The following INPP4B variants were observed in gnomAD, a reference collection of about 807,000 sequenced individuals.
INPP4B encodes the protein inositol polyphosphate-4-phosphatase type II B, also known as inositol polyphosphate 4-phosphatase type II.
INPP4B carries 55 observed loss-of-function variants against 122.5 expected under a neutral mutation model. The ratio of observed to expected loss-of-function variants is 0.45; its 90% CI spans 0.36 to 0.56. INPP4B has a LOEUF of 0.56. INPP4B is among the 20% of genes least tolerant of loss of function. INPP4B has a pLI of 0.00. For missense variants in INPP4B, 1,000 were observed against 1,097.7 expected, an observed-to-expected ratio of 0.91 and a Z score of 1.26; for synonymous variants, 403 against 388.7, an observed-to-expected ratio of 1.04 and a Z score of -0.43.
chr4:142,636,130 A>G (rs2197215), intron 2 of INPP4B, among the ~76,000 whole-genome samples: 129,975 of 151,962 alleles, frequency 0.86, 55,640 homozygotes, highest in African/African-American at 0.89. Context: ...CCTTTCACTC[A>G]GCACCCATTC....
chr4:142,414,489 G>A (rs943521039), intron 5 of INPP4B, among the ~76,000 whole-genome samples: 1 of 152,260 alleles, frequency 6.6e-6, no homozygotes. Context: ...GATTGTCTGT[G>A]CTGGGAAAAA....
chr4:142,432,168 T>C (rs1335478090), intron 3 of INPP4B, among the ~76,000 whole-genome samples: 11 of 152,142 alleles, frequency 7.2e-5, no homozygotes, highest in African/African-American at 2.4e-5. Context: ...GAATAAATTT[T>C]TTAAAAAATC....
intron 17 of INPP4B, among the ~76,000 whole-genome samples, chr4:142,158,916 T>G (rs974083636): frequency 6.6e-6 from 1 of 152,048 alleles, no homozygotes; most frequent in African/African-American, 2.4e-5. Context: ...CAACACTGGA[T>G]GTTTATTAAA....
At chr4:142,388,724 A>T (rs189169964) in intron 7 of INPP4B, among the ~76,000 whole-genome samples, 111 of 152,274 alleles carry the variant, frequency 7.3e-4, no homozygotes, top group Non-Finnish European at 1.4e-3. Flanking sequence ...ACTTTTAGGG[A>T]TGGGCTAATT....
chr4:142,438,861 A>C (rs944368380), intron 3 of INPP4B, among the ~76,000 whole-genome samples: 40 of 152,234 alleles, frequency 2.6e-4, no homozygotes, highest in Non-Finnish European at 1.5e-5. Flanking sequence ...ACAAGAAATA[A>C]ACAAAGAACC....
chr4:142,662,678 G>A (rs954399138), intron 2 of INPP4B, among the ~76,000 whole-genome samples: 1 of 152,168 alleles, frequency 6.6e-6, no homozygotes, highest in African/African-American at 2.4e-5. Flanking sequence ...GGTGGAAAGA[G>A]CCTGGGTTCC....
intron 1 of INPP4B, among the ~76,000 whole-genome samples, chr4:142,808,878 C>T (rs1252000236): frequency 6.6e-6 from 1 of 152,088 alleles, no homozygotes; most frequent in Non-Finnish European, 1.5e-5. Flanking sequence ...AGTGCCTAAA[C>T]AGCTAATATT....
At chr4:142,430,460 A>G (rs1809065491) in intron 4 of INPP4B, among the ~76,000 whole-genome samples, 1 of 152,152 alleles carries the variant, frequency 6.6e-6, no homozygotes, top group Admixed American at 6.6e-5. Context: ...AAGGTTAGGC[A>G]TATATTTGCC....
At chr4:142,281,845 A>G (rs2150792394) in intron 9 of INPP4B, among the ~76,000 whole-genome samples, 1 of 152,118 alleles carries the variant, frequency 6.6e-6, no homozygotes, top group East Asian at 1.9e-4. Context: ...AATTTTTTAA[A>G]TTCTCATTTA....
chr4:142,459,989 C>T (rs1312361284), intron 3 of INPP4B, among the ~76,000 whole-genome samples: 2 of 152,164 alleles, frequency 1.3e-5, no homozygotes, highest in Non-Finnish European at 2.9e-5. Flanking sequence ...AGCACTTTCT[C>T]AGTGTTTTGT....
intron 2 of INPP4B, among the ~76,000 whole-genome samples, chr4:142,627,808 AAT>A (rs1243893162): frequency 6.6e-6 from 1 of 152,070 alleles, no homozygotes; most frequent in Non-Finnish European, 1.5e-5. Flanking sequence ...TATTGATTGG[AAT>A]AGTTTCAGAA....
intron 2 of INPP4B, among the ~76,000 whole-genome samples, chr4:142,476,794 A>G (rs994772461): frequency 3.3e-5 from 5 of 152,226 alleles, no homozygotes; most frequent in Admixed American, 2.0e-4. Flanking sequence ...AGGAGCACCC[A>G]GATTCATGAA....
intron 12 of INPP4B, among the ~76,000 whole-genome samples, chr4:142,213,931 C>T (rs1314469223): frequency 6.6e-6 from 1 of 152,088 alleles, no homozygotes; most frequent in African/African-American, 2.4e-5. Context: ...AAAGAACCAT[C>T]GGTGCAGTAG....
chr4:142,584,075 C>A (rs1013453836), intron 2 of INPP4B, among the ~76,000 whole-genome samples: 1 of 151,844 alleles, frequency 6.6e-6, no homozygotes, highest in Admixed American at 6.6e-5. Flanking sequence ...TTCTATATGC[C>A]CTGTACTCTC....
intron 5 of INPP4B, among the ~76,000 whole-genome samples, chr4:142,424,401 A>G (rs770437842): frequency 1.3e-5 from 2 of 152,010 alleles, no homozygotes; most frequent in African/African-American, 4.8e-5. Flanking sequence ...TGATTATGAA[A>G]TTTACATGTG....
intron 2 of INPP4B, among the ~76,000 whole-genome samples, chr4:142,664,772 A>C (rs1755732584): frequency 6.6e-6 from 1 of 152,228 alleles, no homozygotes; most frequent in Non-Finnish European, 1.5e-5. Context: ...CAAGATGTCT[A>C]AAGTAAGAAA....
chr4:142,571,255 C>T (rs1211144332), intron 2 of INPP4B, among the ~76,000 whole-genome samples: 1 of 152,002 alleles, frequency 6.6e-6, no homozygotes, highest in African/African-American at 2.4e-5. Flanking sequence ...CACACCTTGA[C>T]TTACAACCCC....
rs1488138564 is a variant in INPP4B, at chr4:142,024,924, T to G, written c.*3858A>C. 1 of 152,100 alleles carries G rather than the reference T, an allele frequency of 6.6e-6. No individual in the cohort carries two copies. Among genetic ancestry groups the G allele is most frequent in the Non-Finnish European group, 1.5e-5 (1 of 68,010 alleles). The allele number at this position is 152,100 out of a possible 1,614,324, so 9.4% of individuals were successfully genotyped here. On this transcript the variant is annotated 3_prime_UTR_variant, in exon 26 of 26. Coordinates refer to ENST00000262992, the MANE Select transcript of INPP4B (RefSeq NM_001101669.3). ...TTTAATAATTTAATTATGAATAAAATATAGTCATCAAATATGACTTTTAAC... is the reference window on the plus strand; with the variant it reads ...TTTAATAATTTAATTATGAATAAAAGATAGTCATCAAATATGACTTTTAAC...
At chr4:142,748,998 G>C (rs924419930) in intron 1 of INPP4B, among the ~76,000 whole-genome samples, 5 of 151,528 alleles carry the variant, frequency 3.3e-5, no homozygotes, top group African/African-American at 4.8e-5. Context: ...AAATTATCCA[G>C]GTGTGGTGAC....
Sources: allele counts gnomAD v4.1 joint callset (sites outside exome capture counted in the v4.1 genomes callset), GRCh38; gene constraint gnomAD v4.1.1; transcripts MANE v1.5; gene names NCBI Gene and HGNC (gene_info 2026-07-23, HGNC 2026-07-21).